Variants in ARMC2 observed in about 807,000 individuals in gnomAD.
The protein encoded by ARMC2 is armadillo repeat containing 2.
In ARMC2, 67 loss-of-function variants were observed where a neutral mutation model predicts 90.3. The observed-to-expected ratio is 0.74, with a 90% confidence interval of 0.61 to 0.91. The LOEUF is 0.91. ARMC2 is among the 40% of genes least tolerant of loss of function. ARMC2 has a pLI of 0.00. For missense variants in ARMC2, 920 were observed against 1,030.9 expected (o/e 0.89, Z 1.47); for synonymous variants, 393 against 393.0 (o/e 1.00, Z 0.00).
At chr6:108,942,533 T>C (rs1420303047) in intron 12 of ARMC2, among the ~76,000 whole-genome samples, 1 of 152,226 alleles carries the variant, frequency 6.6e-6, no homozygotes, top group Non-Finnish European at 1.5e-5. Flanking sequence ...ATGTTGAGGC[T>C]TGGAACTGAT....
chr6:108,889,170 A>T (rs2128451727), intron 5 of ARMC2, among the ~76,000 whole-genome samples: 1 of 152,162 alleles, frequency 6.6e-6, no homozygotes, highest in East Asian at 1.9e-4. Context: ...TTTTTGAGGC[A>T]GAGTCTTGCT....
the ARMC2 span, among the ~76,000 whole-genome samples, chr6:108,991,228 AGT>A: frequency 0.037 from 5,433 of 147,834 alleles, 277 homozygotes; most frequent in African/African-American, 0.12. Context: ...TCAAATTATG[AGT>A]GTGTGTGTGT....
chr6:108,909,467 C>G (rs1773175153), intron 8 of ARMC2, among the ~76,000 whole-genome samples: 1 of 151,772 alleles, frequency 6.6e-6, no homozygotes, highest in South Asian at 2.1e-4. Flanking sequence ...AAAAAAAACA[C>G]TATATTTCCT....
chr6:108,850,571 G>T lies in ARMC2; in HGVS notation c.-44+2025G>T, dbSNP rs74520026. 8.2e-3 allele frequency among the ~76,000 whole-genome samples: 1,251 copies of T among 152,250 alleles called. 5 individuals are homozygous for T. The highest frequency in any genetic ancestry group is 0.013 in the Non-Finnish European group (866 of 68,018). ...GCCAGGCAACTTGAAATAAAGGCAA[G>T]ACAGGGAAAGGAGGCTAAATCTGAA... On this transcript the variant is annotated intron_variant, in intron 1 of 17. Coordinates refer to ENST00000392644, the MANE Select transcript of ARMC2 (RefSeq NM_032131.6).
At chr6:108,991,237 G>A in the ARMC2 span, among the ~76,000 whole-genome samples, 1 of 151,872 alleles carries the variant, frequency 6.6e-6, no homozygotes, top group Non-Finnish European at 1.5e-5. Flanking sequence ...GAGTGTGTGT[G>A]TGTGTGTGTG....
At chr6:108,917,934 G>C (rs1774138551) in intron 10 of ARMC2, among the ~76,000 whole-genome samples, 3 of 152,172 alleles carry the variant, frequency 2.0e-5, no homozygotes, top group African/African-American at 7.2e-5. Context: ...ACCCACCTCA[G>C]CCTCCCAAAG....
At chr6:109,041,057 T>C in the ARMC2 span, among the ~76,000 whole-genome samples, 1 of 151,688 alleles carries the variant, frequency 6.6e-6, no homozygotes, top group Non-Finnish European at 1.5e-5. Context: ...TCCCAGCACT[T>C]TGGGAAGCTG....
chr6:109,033,902 C>A, the ARMC2 span, among the ~76,000 whole-genome samples: 62 of 152,268 alleles, frequency 4.1e-4, no homozygotes, highest in Non-Finnish European at 5.6e-4. Context: ...CTTAAGCATT[C>A]GTAAAGAAGC....
intron 4 of ARMC2, among the ~76,000 whole-genome samples, chr6:108,869,946 T>G (rs1178304253): frequency 1.3e-5 from 2 of 152,166 alleles, no homozygotes; most frequent in Non-Finnish European, 2.9e-5. Context: ...ATAGAAAATG[T>G]CAGAATACAT....
chr6:109,048,936 T>A, the ARMC2 span, among the ~76,000 whole-genome samples: 1 of 152,194 alleles, frequency 6.6e-6, no homozygotes, highest in African/African-American at 2.4e-5. Context: ...TAACAATGGT[T>A]TCCTTCTCTG....
intron 13 of ARMC2, among the ~76,000 whole-genome samples, chr6:108,957,628 T>C (rs61241472): frequency 6.6e-6 from 1 of 152,268 alleles, no homozygotes; most frequent in Non-Finnish European, 1.5e-5. Context: ...TAGGCTCTTT[T>C]CTTCCTACCT....
chr6:108,891,485 C>G (rs551349452), intron 5 of ARMC2, among the ~76,000 whole-genome samples: 71 of 152,320 alleles, frequency 4.7e-4, no homozygotes, highest in African/African-American at 1.6e-3. Context: ...TTTTGATTTG[C>G]ATTTCTCTAA....
intron 5 of ARMC2, among the ~76,000 whole-genome samples, chr6:108,881,216 T>C (rs1419537758): frequency 2.0e-5 from 3 of 151,460 alleles, no homozygotes; most frequent in Non-Finnish European, 1.5e-5. Flanking sequence ...CTTTCCTTTC[T>C]TTTCTTTCTT....
the ARMC2 span, among the ~76,000 whole-genome samples, chr6:108,985,581 T>TA: frequency 6.6e-6 from 1 of 152,232 alleles, no homozygotes; most frequent in African/African-American, 2.4e-5. Flanking sequence ...ACATATTTTT[T>TA]AACTCATTAA....
chr6:109,000,341 T>C, the ARMC2 span: 1 of 509,198 alleles, frequency 2.0e-6, no homozygotes, highest in Non-Finnish European at 3.3e-6. Context: ...ACAGAAATGC[T>C]GTAACAGAAG....
At chr6:108,971,219 G>A (rs781719404) in intron 17 of ARMC2, among the ~76,000 whole-genome samples, 27 of 152,134 alleles carry the variant, frequency 1.8e-4, no homozygotes, top group African/African-American at 6.3e-4. Flanking sequence ...TCGAAAAAAC[G>A]GAATGAAATC....
intron 3 of ARMC2, 51 bp downstream of exon 3, chr6:108,858,322 A>G: frequency 6.9e-7 from 1 of 1,449,500 alleles, no homozygotes; most frequent in South Asian, 1.2e-5. Flanking sequence ...GTGAAATGAA[A>G]TTGGCCAAAA....
intron 3 of ARMC2, among the ~76,000 whole-genome samples, chr6:108,867,389 A>G (rs1436612731): frequency 6.6e-6 from 1 of 152,164 alleles, no homozygotes; most frequent in Non-Finnish European, 1.5e-5. Context: ...ATGTTCCTCT[A>G]CTAAGAGTAT....
the ARMC2 span, among the ~76,000 whole-genome samples, chr6:109,029,639 G>C: frequency 4.6e-5 from 7 of 152,052 alleles, no homozygotes; most frequent in African/African-American, 1.4e-4. Flanking sequence ...GGGCTCAAGC[G>C]ATCCTCCTGT....
Sources: allele counts gnomAD v4.1 joint callset (sites outside exome capture counted in the v4.1 genomes callset), GRCh38; gene constraint gnomAD v4.1.1; transcripts MANE v1.5; gene names NCBI Gene and HGNC (gene_info 2026-07-23, HGNC 2026-07-21).